The following NDRG3 variants were observed in gnomAD, a reference collection of about 807,000 sequenced individuals.
NDRG3 encodes the protein protein NDRG3.
A neutral mutation model predicts 57.2 loss-of-function variants in NDRG3; 23 were observed. The ratio of observed to expected loss-of-function variants is 0.40; its 90% CI spans 0.29 to 0.57. The LOEUF is 0.57. Among genes scored for constraint, NDRG3 ranks in the 20% least tolerant of loss-of-function variants. NDRG3 has a pLI of 0.42. For synonymous variants in NDRG3, 132 were observed against 162.6 expected, an observed-to-expected ratio of 0.81 and a Z score of 1.43; for missense variants, 384 against 457.3, an observed-to-expected ratio of 0.84 and a Z score of 1.46.
chr20:36,706,822 T>A, intron 3 of NDRG3, 150 bp downstream of exon 3: 1 of 611,662 alleles, frequency 1.6e-6, no homozygotes, highest in South Asian at 2.5e-5. Context: ...GCAAATCATT[T>A]TAAGTGAACT....
chr20:36,657,864 G>T (rs866991782), intron 13 of NDRG3, among the ~76,000 whole-genome samples: 1 of 152,190 alleles, frequency 6.6e-6, no homozygotes, highest in African/African-American at 2.4e-5. Flanking sequence ...TTTTCATGAA[G>T]TTTAGGAGCT....
intron 8 of NDRG3, among the ~76,000 whole-genome samples, chr20:36,677,325 C>A (rs1217581930): frequency 6.6e-6 from 1 of 152,246 alleles, no homozygotes; most frequent in African/African-American, 2.4e-5. Flanking sequence ...AGTAAGGCCC[C>A]ACCCTCAGGC....
chr20:36,696,343 C>T (rs954829852), intron 3 of NDRG3, among the ~76,000 whole-genome samples: 10 of 152,062 alleles, frequency 6.6e-5, no homozygotes, highest in Non-Finnish European at 1.2e-4. Context: ...GATCCACCCA[C>T]CTTGGCCTCC....
At chr20:36,687,416 A>G (rs1040887261) in intron 5 of NDRG3, 76 bp downstream of exon 5, 64 of 1,545,140 alleles carry the variant, frequency 4.1e-5, no homozygotes, top group Non-Finnish European at 5.5e-5. Flanking sequence ...GGAAGCACAC[A>G]CCACTTCTCC....
At chr20:36,740,946 G>C (rs2148234900) in intron 1 of NDRG3, among the ~76,000 whole-genome samples, 1 of 152,150 alleles carries the variant, frequency 6.6e-6, no homozygotes, top group African/African-American at 2.4e-5. Context: ...AATCAAGCTA[G>C]CTAAGTTTTC....
At chr20:36,717,491 C>CT (rs1345459285) in intron 2 of NDRG3, among the ~76,000 whole-genome samples, 2 of 152,298 alleles carry the variant, frequency 1.3e-5, no homozygotes, top group South Asian at 2.1e-4. Flanking sequence ...GCCAAAACAT[C>CT]TATAGGATTA....
chr20:36,699,141 G>A (rs767952535), intron 3 of NDRG3, among the ~76,000 whole-genome samples: 3 of 151,946 alleles, frequency 2.0e-5, no homozygotes, highest in Non-Finnish European at 4.4e-5. Context: ...GAGAGACGGG[G>A]TCTCCATATT....
At chr20:36,686,755 A>G (rs904023888) in intron 5 of NDRG3, among the ~76,000 whole-genome samples, 1 of 152,184 alleles carries the variant, frequency 6.6e-6, no homozygotes, top group Non-Finnish European at 1.5e-5. Context: ...CAGATAGTCA[A>G]ATTTCCATTA....
chr20:36,698,320 T>C (rs1254817791), intron 3 of NDRG3, among the ~76,000 whole-genome samples: 1 of 151,010 alleles, frequency 6.6e-6, no homozygotes, highest in Non-Finnish European at 1.5e-5. Flanking sequence ...CTGTGTGTGG[T>C]GGCTCATGCC....
chr20:36,729,097 T>C (rs1468449493), intron 1 of NDRG3, among the ~76,000 whole-genome samples: 1 of 152,138 alleles, frequency 6.6e-6, no homozygotes, highest in Admixed American at 6.6e-5. Flanking sequence ...CTACTGATTG[T>C]AGGACCCTGA....
chr20:36,690,339 G>A (rs1279074166), intron 3 of NDRG3, among the ~76,000 whole-genome samples: 2 of 151,976 alleles, frequency 1.3e-5, no homozygotes, highest in Non-Finnish European at 2.9e-5. Flanking sequence ...AAGATGCACC[G>A]AGCAAAGCTC....
Position 36,705,946 on chromosome 20 carries a change from C to T in NDRG3, c.93+1026G>A, listed in dbSNP as rs546627211. Among the ~76,000 whole-genome samples, 92 of 152,060 alleles carry T rather than the reference C, an allele frequency of 6.1e-4. 2 individuals carry two copies. Among genetic ancestry groups the T allele is most frequent in the African/African-American group, 2.1e-3 (87 of 41,486 alleles). On this transcript the variant is annotated intron_variant, in intron 3 of 15. Coordinates refer to ENST00000349004, the MANE Select transcript of NDRG3 (RefSeq NM_032013.4). ...TTTTAGTAGAGATGGGGTTTCACTG[C>T]GTTGGCCAGGCTGGTCTTGAACACT...
chr20:36,744,182 G>A (rs889034402), intron 1 of NDRG3, among the ~76,000 whole-genome samples: 2 of 152,124 alleles, frequency 1.3e-5, no homozygotes, highest in Non-Finnish European at 2.9e-5. Context: ...GATTACAGGC[G>A]TGAGCCGCAG....
At chr20:36,744,880 T>C (rs1248672357) in intron 1 of NDRG3, among the ~76,000 whole-genome samples, 1 of 140,694 alleles carries the variant, frequency 7.1e-6, no homozygotes, top group African/African-American at 2.6e-5. Flanking sequence ...CACCTCCAAG[T>C]CCAGCCCGCC....
chr20:36,715,976 T>C (rs1472385914), intron 2 of NDRG3, among the ~76,000 whole-genome samples: 2 of 151,790 alleles, frequency 1.3e-5, no homozygotes, highest in East Asian at 3.9e-4. Flanking sequence ...TAGCCAGGCA[T>C]GGTGGCAAGA....
intron 3 of NDRG3, among the ~76,000 whole-genome samples, chr20:36,704,109 C>A (rs1983408400): frequency 6.6e-6 from 1 of 151,912 alleles, no homozygotes; most frequent in African/African-American, 2.4e-5. Flanking sequence ...TGGAGTCTCA[C>A]TCTGTTGCCC....
chr20:36,737,972 G>A (rs1044608615), intron 1 of NDRG3, among the ~76,000 whole-genome samples: 27 of 151,598 alleles, frequency 1.8e-4, no homozygotes, highest in African/African-American at 6.6e-4. Context: ...GCTGAGGCAT[G>A]AGAACTGCTT....
intron 1 of NDRG3, among the ~76,000 whole-genome samples, chr20:36,733,167 AAAAAATATATAT>A (rs1191196713): frequency 6.8e-5 from 2 of 29,280 alleles, no homozygotes; most frequent in African/African-American, 3.0e-4. Flanking sequence ...AAAAAAAAAA[AAAAAATATATAT>A]ATATATATAT....
chr20:36,652,284 G>C lies in NDRG3; in HGVS notation c.*1236C>G, dbSNP rs1005040149. 1 of 152,092 alleles carries C rather than the reference G, an allele frequency of 6.6e-6. No homozygotes were observed. Among genetic ancestry groups the C allele is most frequent in the African/African-American group, 2.4e-5 (1 of 41,382 alleles). The allele number at this position is 152,092 out of a possible 1,614,324, so 9.4% of individuals were successfully genotyped here. A position where few individuals can be genotyped will look rare whatever the true frequency, so the allele number is the denominator to read the frequency against. Reference sequence around the variant, plus strand: ...ATAACTTAGCTGGGTATGGTGGCAGGTGCCTGTAGTCTCAGCTACTCGGGA... The same window carrying C: ...ATAACTTAGCTGGGTATGGTGGCAGCTGCCTGTAGTCTCAGCTACTCGGGA... On this transcript the variant is annotated 3_prime_UTR_variant, in exon 16 of 16. Coordinates refer to ENST00000349004, the MANE Select transcript of NDRG3 (RefSeq NM_032013.4).
Sources: allele counts gnomAD v4.1 joint callset (sites outside exome capture counted in the v4.1 genomes callset), GRCh38; gene constraint gnomAD v4.1.1; transcripts MANE v1.5; gene names NCBI Gene and HGNC (gene_info 2026-07-23, HGNC 2026-07-21).